RYR3: variants seen among roughly 807,000 people sequenced by gnomAD.
RYR3 encodes the protein brain ryanodine receptor-calcium release channel.
In RYR3, 207 loss-of-function variants were observed where a neutral mutation model predicts 584.3. That is an observed-to-expected ratio of 0.35 (90% CI 0.32 to 0.40). The LOEUF is 0.40. RYR3 is among the 10% of genes least tolerant of loss of function. The pLI is 1.00. For synonymous variants in RYR3, 2,416 were observed against 2,248.5 expected, an observed-to-expected ratio of 1.07 and a Z score of -2.11; for missense variants, 5,616 against 6,089.2, an observed-to-expected ratio of 0.92 and a Z score of 2.59.
At chr15:33,572,961 C>T (rs941402049) in intron 12 of RYR3, among the ~76,000 whole-genome samples, 106 of 151,880 alleles carry the variant, frequency 7.0e-4, no homozygotes, top group African/African-American at 2.4e-3. Flanking sequence ...GCAACAACAG[C>T]GAAATTCTGT....
chr15:33,375,797 G>T (rs899264779), intron 1 of RYR3, among the ~76,000 whole-genome samples: 1 of 152,210 alleles, frequency 6.6e-6, no homozygotes, highest in Non-Finnish European at 1.5e-5. Context: ...AGGCGCAGTG[G>T]CTCATGCCTG....
chr15:33,494,400 C>T (rs1158333667), intron 2 of RYR3, among the ~76,000 whole-genome samples: 1 of 152,126 alleles, frequency 6.6e-6, no homozygotes, highest in African/African-American at 2.4e-5. Context: ...CTCAGGCCAG[C>T]ACAGTGCCTA....
chr15:33,689,424 TACACAC>T (rs2065263989), intron 38 of RYR3, among the ~76,000 whole-genome samples: 1 of 152,140 alleles, frequency 6.6e-6, no homozygotes, highest in South Asian at 2.1e-4. Context: ...TATATATATG[TACACAC>T]ACATGCACAC....
chr15:33,794,706 G>C (rs949235172), intron 67 of RYR3, among the ~76,000 whole-genome samples: 3 of 152,054 alleles, frequency 2.0e-5, no homozygotes, highest in Non-Finnish European at 4.4e-5. Context: ...GTTCTTCCCA[G>C]AGCATTACGG....
intron 67 of RYR3, among the ~76,000 whole-genome samples, chr15:33,794,366 A>G (rs1401659908): frequency 7.1e-6 from 1 of 140,124 alleles, no homozygotes; most frequent in East Asian, 2.1e-4. Flanking sequence ...TATATATAAA[A>G]TCTTTTCTTT....
In RYR3 at chr15:33,489,492, G is replaced by C. The variant is rs530546372; in HGVS notation, c.172-14139G>C. Among the ~76,000 whole-genome samples, 4 of 152,270 alleles carry C rather than the reference G, an allele frequency of 2.6e-5. No individual in the cohort carries two copies. The South Asian group carries it at 8.3e-4, about 32-fold the overall frequency. On this transcript the variant is annotated intron_variant, in intron 2 of 103. Transcript: ENST00000634891. ...GCTTTTCCTGCATTAGTTTACTGAG[G>C]ATATTAGCCTCCAGCTCCATCCATG...
chr15:33,461,795 C>A (rs1019479200), intron 1 of RYR3, among the ~76,000 whole-genome samples: 2 of 152,176 alleles, frequency 1.3e-5, no homozygotes, highest in African/African-American at 4.8e-5. Flanking sequence ...TTCTTCTGGT[C>A]CTGAATTATG....
chr15:33,571,387 T>C (rs1471042316), intron 12 of RYR3, among the ~76,000 whole-genome samples: 1 of 152,176 alleles, frequency 6.6e-6, no homozygotes, highest in Non-Finnish European at 1.5e-5. Context: ...CATTAACTGG[T>C]GGAGAATCGG....
At chr15:33,732,225 CAA>C (rs34543725) in intron 48 of RYR3, among the ~76,000 whole-genome samples, 19 of 132,886 alleles carry the variant, frequency 1.4e-4, no homozygotes, top group East Asian at 2.1e-4. Flanking sequence ...ACTAAAAATA[CAA>C]AAAAAAAAAA....
chr15:33,663,480 T>C, intron 35 of RYR3, 57 bp from the exon 36 acceptor site: 1 of 1,486,632 alleles, frequency 6.7e-7, no homozygotes, highest in Admixed American at 1.8e-5. Context: ...AAAATGGGCA[T>C]GCTAGCAGCC....
chr15:33,590,375 TGG>T (rs1390701429), intron 16 of RYR3, among the ~76,000 whole-genome samples: 2 of 152,226 alleles, frequency 1.3e-5, no homozygotes, highest in East Asian at 3.8e-4. Flanking sequence ...CAGGATTGTC[TGG>T]GCTACTCAGG....
chr15:33,450,897 A>G (rs1421036554), intron 1 of RYR3, among the ~76,000 whole-genome samples: 1 of 152,046 alleles, frequency 6.6e-6, no homozygotes, highest in Non-Finnish European at 1.5e-5. Context: ...TCTGGCTTAC[A>G]AGTTCCAGTG....
chr15:33,466,996 G>T (rs555224631), intron 1 of RYR3, among the ~76,000 whole-genome samples: 1 of 152,252 alleles, frequency 6.6e-6, no homozygotes, highest in Admixed American at 6.5e-5. Context: ...TAATCTGTGT[G>T]TAGTCTCGTC....
intron 32 of RYR3, among the ~76,000 whole-genome samples, chr15:33,654,607 G>A (rs2062713024): frequency 6.6e-6 from 1 of 152,146 alleles, no homozygotes; most frequent in Admixed American, 6.5e-5. Context: ...CAGAAAGTGT[G>A]TTTGGGGATC....
intron 2 of RYR3, among the ~76,000 whole-genome samples, chr15:33,486,800 A>G (rs1409778311): frequency 6.6e-6 from 1 of 152,168 alleles, no homozygotes; most frequent in Non-Finnish European, 1.5e-5. Context: ...TGAGAGAATG[A>G]GTATCCTGTG....
intron 69 of RYR3, among the ~76,000 whole-genome samples, chr15:33,807,167 G>T (rs951160912): frequency 2.6e-5 from 4 of 152,136 alleles, no homozygotes; most frequent in African/African-American, 9.7e-5. Flanking sequence ...CTGCTCTTTG[G>T]TTATACAACA....
At chr15:33,433,150 A>G (rs1029746569) in intron 1 of RYR3, among the ~76,000 whole-genome samples, 5 of 152,140 alleles carry the variant, frequency 3.3e-5, no homozygotes, top group African/African-American at 1.2e-4. Context: ...TTTATGCTGT[A>G]TGTATTCAGG....
At position 33,841,949 on chromosome 15, in the gene RYR3, C is replaced by A. The variant is rs759909362; in HGVS notation, c.13123C>A (p.Arg4375=). Residue 4375 remains arginine (R), a synonymous_variant, in exon 91 of 104, where the codon CGG becomes AGG. Transcript: ENST00000634891. ...GACAGAAGTGACAAAAAAGAAGAAGCGGCGGTGTGGTCAGAAGGTTGAGAA... is the reference window on the plus strand; with the variant it reads ...GACAGAAGTGACAAAAAAGAAGAAGAGGCGGTGTGGTCAGAAGGTTGAGAA... ...LWTEVTKKKK[R]RCGQKVEKPE... 4.4e-6 allele frequency: 7 copies of A among 1,600,668 alleles called. No individual in the cohort carries two copies. The highest frequency in any genetic ancestry group is 6.0e-6 in the Non-Finnish European group (7 of 1,173,508).
At chr15:33,853,008 A>G (rs1451487370) in intron 94 of RYR3, 37 bp from the exon 95 acceptor site, 1 of 1,574,844 alleles carries the variant, frequency 6.3e-7, no homozygotes, top group Non-Finnish European at 8.7e-7. Flanking sequence ...CTTGATGTTA[A>G]GAATGAAGAA....
Sources: gnomAD v4.1 joint callset for allele counts (sites outside exome capture counted in the v4.1 genomes callset) on GRCh38, gnomAD v4.1.1 for gene constraint, MANE v1.5 for transcripts, NCBI Gene and HGNC (gene_info 2026-07-23, HGNC 2026-07-21) for gene names.